PDS5B: variants seen among roughly 807,000 people sequenced by gnomAD.
PDS5B encodes PDS5 cohesin associated factor B.
Under a neutral mutation model 184.1 loss-of-function variants are expected in PDS5B, and 51 were observed. The observed-to-expected ratio is 0.28, with a 90% CI of 0.22 to 0.35. The LOEUF is 0.35. Ranked by LOEUF, PDS5B falls within the 10% of genes least tolerant of loss-of-function variation. The pLI is 1.00. For synonymous variants in PDS5B, 566 were observed against 569.2 expected (o/e 0.99, Z 0.08); for missense variants, 1,180 against 1,723.3 (o/e 0.68, Z 5.58).
At chr13:32,704,224 A>G (rs1205851648) in intron 17 of PDS5B, among the ~76,000 whole-genome samples, 1 of 151,790 alleles carries the variant, frequency 6.6e-6, no homozygotes, top group Non-Finnish European at 1.5e-5. Context: ...GCTAGAGTGC[A>G]GTGGCTTGAT....
At chr13:32,660,219 AGAG>A (rs1950607720) in intron 6 of PDS5B, among the ~76,000 whole-genome samples, 1 of 152,132 alleles carries the variant, frequency 6.6e-6, no homozygotes, top group Non-Finnish European at 1.5e-5. Flanking sequence ...TGACCACAGG[AGAG>A]AAGGGGGAAG....
chr13:32,605,856 T>C (rs1232822066), intron 1 of PDS5B, among the ~76,000 whole-genome samples: 1 of 152,158 alleles, frequency 6.6e-6, no homozygotes, highest in Non-Finnish European at 1.5e-5. Context: ...TCTTTGTTGG[T>C]TTAAAGTCTG....
chr13:32,681,079 T>TA (rs1393268164), intron 10 of PDS5B, among the ~76,000 whole-genome samples: 2 of 152,296 alleles, frequency 1.3e-5, no homozygotes, highest in East Asian at 3.9e-4. Context: ...TGCCAACGTA[T>TA]ACGTTTCCTT....
At chr13:32,603,989 G>A (rs1187272087) in intron 1 of PDS5B, among the ~76,000 whole-genome samples, 1 of 152,182 alleles carries the variant, frequency 6.6e-6, no homozygotes, top group South Asian at 2.1e-4. Flanking sequence ...AGACGATGGG[G>A]TTTTCTAAAT....
intron 1 of PDS5B, among the ~76,000 whole-genome samples, chr13:32,629,024 G>A (rs566254073): frequency 6.6e-6 from 1 of 152,290 alleles, no homozygotes; most frequent in East Asian, 1.9e-4. Flanking sequence ...TTTCAGAAAG[G>A]CTGTAATAAT....
intron 30 of PDS5B, among the ~76,000 whole-genome samples, chr13:32,762,187 C>T (rs914931725): frequency 3.3e-5 from 5 of 152,148 alleles, no homozygotes; most frequent in African/African-American, 9.7e-5. Context: ...ATTAATTCAT[C>T]CTTTCACTGG....
Position 32,718,243 on chromosome 13 carries a change from C to T in PDS5B, c.2123+8137C>T, listed in dbSNP as rs917294872. On this transcript the variant is annotated intron_variant, in intron 19 of 34. Transcript: ENST00000315596. Reference sequence around the variant, plus strand: ...TCGGCTCACTGCAAGCTCCGCCTCCCGGGTTCACACCATTCTCCTGCCTCA... The same window carrying T: ...TCGGCTCACTGCAAGCTCCGCCTCCTGGGTTCACACCATTCTCCTGCCTCA... Among the ~76,000 whole-genome samples the T allele has an allele frequency of 6.6e-5, 10 of 152,070 alleles. No individual in the cohort carries two copies. In the East Asian group the frequency reaches 7.7e-4, roughly 12 times the overall value.
chr13:32,590,217 C>T (rs1271637596), intron 1 of PDS5B, among the ~76,000 whole-genome samples: 1 of 152,108 alleles, frequency 6.6e-6, no homozygotes, highest in Non-Finnish European at 1.5e-5. Context: ...AAGTAAGAAA[C>T]TATTTTGAGG....
intron 19 of PDS5B, among the ~76,000 whole-genome samples, chr13:32,728,172 A>G (rs1421036508): frequency 6.6e-6 from 1 of 151,066 alleles, no homozygotes; most frequent in Non-Finnish European, 1.5e-5. Context: ...TTTATATTTT[A>G]TATTTTTCAT....
At chr13:32,654,718 G>T (rs1403072619) in intron 3 of PDS5B, among the ~76,000 whole-genome samples, 1 of 152,088 alleles carries the variant, frequency 6.6e-6, no homozygotes, top group African/African-American at 2.4e-5. Flanking sequence ...GCTGGTGTCT[G>T]TTCTCTTCTT....
At chr13:32,772,984 TTTG>T (rs954266403) in intron 33 of PDS5B, among the ~76,000 whole-genome samples, 3 of 152,188 alleles carry the variant, frequency 2.0e-5, no homozygotes, top group Non-Finnish European at 4.4e-5. Context: ...GTCACATTTT[TTTG>T]TTGTTACTTG....
At chr13:32,706,904 G>GA (rs749158182) in intron 17 of PDS5B, 30 bp from the exon 18 acceptor site, 54 of 1,419,074 alleles carry the variant, frequency 3.8e-5, no homozygotes, top group Middle Eastern at 1.8e-4. Flanking sequence ...AGTAACATTT[G>GA]AAAAAATGAC....
intron 1 of PDS5B, among the ~76,000 whole-genome samples, chr13:32,646,499 A>G (rs965116929): frequency 2.9e-5 from 4 of 139,984 alleles, no homozygotes; most frequent in Non-Finnish European, 3.0e-5. Flanking sequence ...ACATTTTTTT[A>G]TATGTCTTAC....
chr13:32,715,557 C>CA (rs1044888235), intron 19 of PDS5B, among the ~76,000 whole-genome samples: 2 of 152,126 alleles, frequency 1.3e-5, no homozygotes, highest in Admixed American at 6.5e-5. Context: ...TGAGGAAAGA[C>CA]AAAAACCTAA....
chr13:32,774,711 T>C (rs1280385152), intron 34 of PDS5B, among the ~76,000 whole-genome samples: 1 of 152,196 alleles, frequency 6.6e-6, no homozygotes, highest in Non-Finnish European at 1.5e-5. Context: ...ATTAATCTGT[T>C]TGAGTTATTT....
chr13:32,754,687 C>A (rs1301288899), intron 25 of PDS5B, among the ~76,000 whole-genome samples: 1 of 152,006 alleles, frequency 6.6e-6, no homozygotes, highest in East Asian at 1.9e-4. Flanking sequence ...ATCATTTGTG[C>A]CCTAGTTTCC....
chr13:32,750,646 A>G (rs2140992495), intron 24 of PDS5B, among the ~76,000 whole-genome samples: 1 of 151,360 alleles, frequency 6.6e-6, no homozygotes, highest in African/African-American at 2.4e-5. Context: ...GGTTTAAGCG[A>G]TTCTCCTGCC....
chr13:32,680,994 C>T (rs1314201692), intron 10 of PDS5B, among the ~76,000 whole-genome samples: 1 of 152,124 alleles, frequency 6.6e-6, no homozygotes. Flanking sequence ...ACTGAATTTG[C>T]TGTCATGTTA....
Position 32,706,967 on chromosome 13 carries a change from T to A in PDS5B, c.1890T>A (p.Asp630Glu), listed in dbSNP as rs373985167. The A allele has an allele frequency of 1.2e-6, 2 of 1,612,208 alleles. No homozygotes were observed. Among genetic ancestry groups the A allele is most frequent in the Admixed American group, 3.4e-5 (2 of 59,680 alleles). Residue 630 changes from aspartate to glutamate, a missense_variant, in exon 18 of 35, where the codon GAT (aspartate) becomes GAA (glutamate). Physicochemically the swap from Asp to Glu is conservative, Grantham distance 45. Transcript: ENST00000315596. ...ALIKQVNKSI[D>E]GTADDEDEGV... ...TTAAACAAGTGAACAAATCAATAGA[T>A]GGAACAGCAGATGATGAAGATGAGG...
Sources: gnomAD v4.1 joint callset for allele counts (sites outside exome capture counted in the v4.1 genomes callset) on GRCh38, gnomAD v4.1.1 for gene constraint, MANE v1.5 for transcripts, NCBI Gene and HGNC (gene_info 2026-07-23, HGNC 2026-07-21) for gene names.